SFXN2: variants seen among roughly 807,000 people sequenced by gnomAD.
The protein encoded by SFXN2 is sideroflexin-2.
Under a neutral mutation model 41.9 loss-of-function variants are expected in SFXN2, and 37 were observed. That is an observed-to-expected ratio of 0.88 (90% CI 0.68 to 1.16). The LOEUF is 1.16. Ranked by LOEUF, SFXN2 falls within the 50% of genes most tolerant of loss-of-function variation. The pLI is 0.00. For synonymous variants in SFXN2, 150 were observed against 156.7 expected (o/e 0.96, Z 0.32); for missense variants, 386 against 425.2 (o/e 0.91, Z 0.81).
Position 102,727,070 on chromosome 10 carries a change from C to A in SFXN2, c.245C>A (p.Thr82Asn), listed in dbSNP as rs2064610434. 6.2e-7 allele frequency: 1 copy of A among 1,611,330 alleles called. No homozygotes were observed. Among genetic ancestry groups the A allele is most frequent in the South Asian group, 1.1e-5 (1 of 91,040 alleles). ...TATGACTCGGCCTTCCACCCCGACA[C>A]TGGGGAGAAGATGAATGTCATCGGG... ...KLYDSAFHPD[T>N]GEKMNVIGRM... The change falls in exon 3 of 12, where the codon ACT becomes AAT. Residue 82 changes from threonine (T) to asparagine (N), a missense_variant. Transcript: ENST00000369893.
intron 5 of SFXN2, 122 bp downstream of exon 5, chr10:102,729,516 T>G (rs2064667850): frequency 7.9e-7 from 1 of 1,265,792 alleles, no homozygotes; most frequent in East Asian, 2.5e-5. Context: ...AGAGCCCGGC[T>G]GGCCAAGTGA....
rs1421690443 is a variant in SFXN2, at chr10:102,729,366, C to CGGCTGT, written c.482_487dup (p.Ala161_Val162dup). On this transcript the variant is annotated inframe_insertion, in exon 5 of 12. Coordinates refer to ENST00000369893, the MANE Select transcript of SFXN2 (RefSeq NM_178858.6). ...ACAGCCACAACCACTGCTGTGGCCA[C>CGGCTGT]GGCTGTGGGCATGAACATGTTGACA... 1 of 1,614,060 alleles carries CGGCTGT rather than the reference C, an allele frequency of 6.2e-7. No individual in the cohort carries two copies. The highest frequency in any genetic ancestry group is 1.3e-5 in the African/African-American group (1 of 74,936).
chr10:102,729,900 G>A (rs927898342), intron 6 of SFXN2, 92 bp downstream of exon 6: 24 of 1,390,572 alleles, frequency 1.7e-5, no homozygotes, highest in East Asian at 2.3e-5. Context: ...TGGGGACTGC[G>A]GTGGGCATGG....
rs532765129 is a variant in SFXN2, at chr10:102,729,340, C to T, written c.453C>T (p.Phe151=). Reference sequence around the variant, plus strand: ...CCAGGCAGATGGCCCTTTCCTACTTCACAGCCACAACCACTGCTGTGGCCA... The same window carrying T: ...CCAGGCAGATGGCCCTTTCCTACTTTACAGCCACAACCACTGCTGTGGCCA... ...TSVRQMALSY[F]TATTTAVATA... The change falls in exon 5 of 12, where the codon TTC becomes TTT. Residue 151 remains phenylalanine (F), a synonymous_variant. Transcript: ENST00000369893. 1.4e-5 allele frequency: 23 copies of T among 1,614,188 alleles called. No individual in the cohort carries two copies. The highest frequency in any genetic ancestry group is 1.2e-4 in the South Asian group (11 of 91,088).
intron 4 of SFXN2, 106 bp from the exon 5 acceptor site, chr10:102,729,213 C>G (rs117712858): frequency 3.2e-5 from 31 of 983,158 alleles, no homozygotes; most frequent in South Asian, 7.1e-5. Context: ...AGATCCTGTG[C>G]GGTTTTCACG....
chr10:102,735,703 C>T (rs558499963), intron 10 of SFXN2, among the ~76,000 whole-genome samples, 159 bp from the exon 11 acceptor site: 11 of 152,260 alleles, frequency 7.2e-5, no homozygotes, highest in African/African-American at 2.6e-4. Context: ...TGAGTATCCT[C>T]GCACTGCGGG....
intron 1 of SFXN2, among the ~76,000 whole-genome samples, chr10:102,718,902 T>G (rs1334585271): frequency 6.7e-6 from 1 of 149,994 alleles, no homozygotes; most frequent in Non-Finnish European, 1.5e-5. Flanking sequence ...CTTTGGGGGC[T>G]TCCTTTTCTC....
chr10:102,728,351 C>G, intron 3 of SFXN2, 80 bp from the exon 4 acceptor site: 1 of 1,075,738 alleles, frequency 9.3e-7, no homozygotes. Context: ...ACCTGCAGAT[C>G]ATGTGCTTTG....
chr10:102,728,905 A>T (rs2064654076), intron 4 of SFXN2, among the ~76,000 whole-genome samples: 2 of 152,126 alleles, frequency 1.3e-5, no homozygotes, highest in South Asian at 4.1e-4. Context: ...CAGTCTCAAA[A>T]CAAACAAAAA....
chr10:102,725,162 T>C (rs2136039869), intron 1 of SFXN2, among the ~76,000 whole-genome samples: 3 of 152,326 alleles, frequency 2.0e-5, no homozygotes, highest in Middle Eastern at 6.8e-3. Flanking sequence ...GTTATAATCC[T>C]TGTAATGATA....
chr10:102,731,361 C>T (rs1331875428), intron 6 of SFXN2, among the ~76,000 whole-genome samples: 1 of 151,928 alleles, frequency 6.6e-6, no homozygotes, highest in African/African-American at 2.4e-5. Context: ...ATTTCATAGC[C>T]ATTATCTCAT....
chr10:102,719,519 G>A (rs1221155106), intron 1 of SFXN2, among the ~76,000 whole-genome samples: 1 of 152,084 alleles, frequency 6.6e-6, no homozygotes, highest in African/African-American at 2.4e-5. Flanking sequence ...GTGAGCCACT[G>A]TGCCCGGCCT....
At chr10:102,719,735 G>T (rs551558789) in intron 1 of SFXN2, among the ~76,000 whole-genome samples, 2 of 152,066 alleles carry the variant, frequency 1.3e-5, no homozygotes, top group African/African-American at 4.8e-5. Context: ...CTTGAATATT[G>T]TGCTAGGCAC....
rs1054193925 is a variant in SFXN2, at chr10:102,728,069, C to T, written c.333-362C>T. ...ATCCCAGCACTTTGGGAAGCCAAGG[C>T]GGGTGGATTACTTGAGGTCAAGAGT... On this transcript the variant is annotated intron_variant, in intron 3 of 11. Transcript: ENST00000369893. Among the ~76,000 whole-genome samples the T allele has an allele frequency of 2.6e-5, 4 of 152,172 alleles. No individual in the cohort carries two copies. The South Asian group carries it at 8.3e-4, about 32-fold the overall frequency.
At chr10:102,729,623 C>T in intron 5 of SFXN2, 100 bp from the exon 6 acceptor site, 1 of 1,307,990 alleles carries the variant, frequency 7.6e-7, no homozygotes, top group Non-Finnish European at 1.1e-6. Context: ...GTGGCGGTAG[C>T]AAGGCCTAGT....
intron 10 of SFXN2, 50 bp from the exon 11 acceptor site, chr10:102,735,812 G>A (rs764202712): frequency 7.0e-5 from 111 of 1,594,708 alleles, no homozygotes; most frequent in Non-Finnish European, 8.7e-5. Flanking sequence ...GGGGATGGAC[G>A]GGCCTGTGGG....
chr10:102,732,722 T>A, intron 8 of SFXN2, 137 bp from the exon 9 acceptor site: 2 of 821,440 alleles, frequency 2.4e-6, no homozygotes, highest in Non-Finnish European at 4.0e-6. Context: ...CTTGCTCTTC[T>A]GTTCTGCCTA....
chr10:102,737,587 G>A, intron 11 of SFXN2, 76 bp from the exon 12 acceptor site: 3 of 912,620 alleles, frequency 3.3e-6, no homozygotes, highest in Non-Finnish European at 5.4e-6. Context: ...AGGGCTTCTT[G>A]GAGGTGATAT....
chr10:102,732,169 C>T lies in SFXN2; in HGVS notation c.672C>T (p.Gly224=). Residue 224 remains glycine, a synonymous_variant, in exon 8 of 12, where the codon GGC becomes GGT. Transcript: ENST00000369893. Reference sequence around the variant, plus strand: ...GCCCTCAGAGAGCTGCGGCCATAGGCATCACCCAAGTAGTTATTTCTCGGA... The same window carrying T: ...GCCCTCAGAGAGCTGCGGCCATAGGTATCACCCAAGTAGTTATTTCTCGGA... The part of the protein sequence containing the change: ...IGHSRRAAAI[G]ITQVVISRIT... The T allele has an allele frequency of 1.9e-6, 3 of 1,614,046 alleles. No homozygotes were observed. Among genetic ancestry groups the T allele is most frequent in the Non-Finnish European group, 2.5e-6 (3 of 1,179,956 alleles).
Sources: gnomAD v4.1 joint callset for allele counts (sites outside exome capture counted in the v4.1 genomes callset) on GRCh38, gnomAD v4.1.1 for gene constraint, MANE v1.5 for transcripts, NCBI Gene and HGNC (gene_info 2026-07-23, HGNC 2026-07-21) for gene names.